Variants in AIMP2 observed in about 807,000 individuals in gnomAD.
AIMP2 encodes aminoacyl tRNA synthetase complex interacting multifunctional protein 2, also known as aminoacyl tRNA synthase complex-interacting multifunctional protein 2.
AIMP2 carries 20 observed loss-of-function variants against 23.4 expected under a neutral mutation model. That is an observed-to-expected ratio of 0.85 (90% CI 0.60 to 1.24). The LOEUF is 1.24. AIMP2 is among the 50% of genes most tolerant of loss of function. AIMP2 has a pLI of 0.00. For synonymous variants in AIMP2, 210 were observed against 170.4 expected, an observed-to-expected ratio of 1.23 and a Z score of -1.81; for missense variants, 515 against 414.5, an observed-to-expected ratio of 1.24 and a Z score of -2.10.
chr7:6,010,220 C>T (rs1416828968), intron 1 of AIMP2, among the ~76,000 whole-genome samples: 1 of 151,226 alleles, frequency 6.6e-6, no homozygotes, highest in Non-Finnish European at 1.5e-5. Flanking sequence ...AGAGATTCTA[C>T]CCTCTGAAAA....
chr7:6,016,888 G>C (rs188334747), intron 2 of AIMP2: 1 of 157,598 alleles, frequency 6.3e-6, no homozygotes, highest in East Asian at 1.8e-4. Context: ...CATGGGTTTG[G>C]ATTATGACAG....
chr7:6,014,578 G>C (rs888584435), intron 1 of AIMP2, among the ~76,000 whole-genome samples: 18 of 151,786 alleles, frequency 1.2e-4, no homozygotes, highest in Admixed American at 1.2e-3. Flanking sequence ...AGCATTTGGG[G>C]ATCAATTTGC....
At chr7:6,020,781 C>A (rs1038386390) in intron 3 of AIMP2, among the ~76,000 whole-genome samples, 1 of 152,106 alleles carries the variant, frequency 6.6e-6, no homozygotes, top group East Asian at 1.9e-4. Flanking sequence ...TGGGAGGGAA[C>A]CACAAAGGAC....
At chr7:6,011,703 GT>G (rs901046832) in intron 1 of AIMP2, among the ~76,000 whole-genome samples, 1 of 152,144 alleles carries the variant, frequency 6.6e-6, no homozygotes, top group African/African-American at 2.4e-5. Flanking sequence ...TAGTTCAATG[GT>G]CCCTGCACCT....
chr7:6,016,786 A>G (rs578255050), intron 2 of AIMP2: 83 of 152,366 alleles, frequency 5.4e-4, no homozygotes, highest in African/African-American at 1.9e-3. Flanking sequence ...CAGAAAGCCA[A>G]GGAGTTTGGC....
intron 3 of AIMP2, among the ~76,000 whole-genome samples, chr7:6,019,644 GA>G (rs1290000734): frequency 6.6e-6 from 1 of 152,072 alleles, no homozygotes; most frequent in Admixed American, 6.6e-5. Flanking sequence ...GATTACATGA[GA>G]AAGGTGAATT....
intron 1 of AIMP2, among the ~76,000 whole-genome samples, chr7:6,014,715 A>G (rs1210089433): frequency 6.7e-6 from 1 of 148,910 alleles, no homozygotes; most frequent in African/African-American, 2.5e-5. Context: ...GTCTTCTTTT[A>G]TTTTTTTTTA....
chr7:6,017,414 T>G (rs1787089125), intron 2 of AIMP2, among the ~76,000 whole-genome samples: 1 of 151,672 alleles, frequency 6.6e-6, no homozygotes, highest in African/African-American at 2.4e-5. Context: ...TCCCAGCCAC[T>G]TAGGAAGCTG....
chr7:6,017,841 A>G lies in AIMP2; in HGVS notation c.370A>G (p.Ile124Val). The G allele has an allele frequency of 6.2e-7, 1 of 1,613,958 alleles. No homozygotes were observed. ...KDYGALKDIV[I>V]NANPASPPLS... is the part of the protein sequence containing the mutation. ...TTACGGGGCGCTGAAAGACATCGTG[A>G]TCAACGCAAACCCGGCCTCCCCTCC... The change falls in exon 3 of 4, where the codon ATC becomes GTC. Residue 124 changes from isoleucine to valine, a missense_variant. By Grantham distance (29) the Ile-to-Val change is conservative (BLOSUM62 3). Coordinates refer to ENST00000223029, the MANE Select transcript of AIMP2 (RefSeq NM_006303.4).
intron 1 of AIMP2, among the ~76,000 whole-genome samples, chr7:6,011,271 C>T (rs1008280304): frequency 1.2e-4 from 18 of 152,176 alleles, no homozygotes; most frequent in African/African-American, 3.4e-4. Flanking sequence ...TTTATGCGCT[C>T]GCTCACCGCT....
chr7:6,020,037 AG>A (rs1314802458), intron 3 of AIMP2, among the ~76,000 whole-genome samples: 1 of 151,170 alleles, frequency 6.6e-6, no homozygotes, highest in Non-Finnish European at 1.5e-5. Flanking sequence ...AAAAAAAAAA[AG>A]GGAAATTCAT....
At chr7:6,012,879 G>T in intron 1 of AIMP2, 1 of 991,686 alleles carries the variant, frequency 1.0e-6, no homozygotes, top group Non-Finnish European at 1.2e-6. Context: ...TTGGCATACT[G>T]AACTCTGTTC....
At chr7:6,014,985 G>A (rs1786930211) in intron 1 of AIMP2, 161 bp from the exon 2 acceptor site, 4 of 1,458,460 alleles carry the variant, frequency 2.7e-6, no homozygotes, top group Non-Finnish European at 3.6e-6. Flanking sequence ...CTCCCGAAGT[G>A]CTGGGATTAC....
intron 1 of AIMP2, among the ~76,000 whole-genome samples, chr7:6,009,974 A>AAAAAAT: frequency 3.7e-5 from 1 of 26,674 alleles, no homozygotes; most frequent in African/African-American, 1.4e-4. Context: ...AAAAAAAAAA[A>AAAAAAT]ATATATATAT....
At position 6,019,197 on chromosome 7, in the gene AIMP2, C is replaced by G. The variant is rs1787227665; in HGVS notation, c.574+1152C>G. On this transcript the variant is annotated intron_variant, in intron 3 of 3. Coordinates refer to ENST00000223029, the MANE Select transcript of AIMP2 (RefSeq NM_006303.4). ...ATCTCGGTGTGAGCAGCTAATTCAT[C>G]TCTCCAGGAAATTGCATGTTGCAGT... Among the ~76,000 whole-genome samples, 5 of 151,200 alleles carry G rather than the reference C, an allele frequency of 3.3e-5. No individual in the cohort carries two copies. In the South Asian group the frequency reaches 1.1e-3, roughly 32 times the overall value.
At chr7:6,022,862 A>T (rs1787531389) in intron 3 of AIMP2, 1 of 167,136 alleles carries the variant, frequency 6.0e-6, no homozygotes. Flanking sequence ...TATCCCACAG[A>T]TGTATGCCTC....
intron 1 of AIMP2, among the ~76,000 whole-genome samples, chr7:6,014,119 A>G (rs1210912044): frequency 6.6e-6 from 1 of 152,146 alleles, no homozygotes; most frequent in Non-Finnish European, 1.5e-5. Flanking sequence ...AAGTATTCTT[A>G]GTTTGTTAAG....
intron 3 of AIMP2, among the ~76,000 whole-genome samples, chr7:6,020,904 C>G (rs1787355415): frequency 6.6e-6 from 1 of 152,162 alleles, no homozygotes; most frequent in Non-Finnish European, 1.5e-5. Context: ...GAGCTCTTAC[C>G]TATAAAACTG....
intron 1 of AIMP2, among the ~76,000 whole-genome samples, chr7:6,011,315 ACCCTG>A (rs942054845): frequency 3.3e-5 from 5 of 152,158 alleles, no homozygotes; most frequent in Admixed American, 2.0e-4. Context: ...TGATGTTTGC[ACCCTG>A]CCCAAAGCTG....
Sources: allele counts gnomAD v4.1 joint callset (sites outside exome capture counted in the v4.1 genomes callset), GRCh38; gene constraint gnomAD v4.1.1; transcripts MANE v1.5; gene names NCBI Gene and HGNC (gene_info 2026-07-23, HGNC 2026-07-21).